Variants in SCFD2 observed in about 807,000 individuals in gnomAD.
SCFD2 encodes sec1 family domain containing 2, also known as sec1 family domain-containing protein 2.
Under a neutral mutation model 58.9 loss-of-function variants are expected in SCFD2, and 54 were observed. The ratio of observed to expected loss-of-function variants is 0.92; its 90% CI spans 0.74 to 1.15. The LOEUF (loss-of-function observed/expected upper bound fraction) is 1.15, where lower values mean the gene tolerates loss of function less well. Among genes scored for constraint, SCFD2 ranks in the 50% most tolerant of loss-of-function variants. The pLI is 0.00. For synonymous variants in SCFD2, 321 were observed against 335.9 expected (o/e 0.96, Z 0.49); for missense variants, 805 against 836.6 (o/e 0.96, Z 0.47).
chr4:52,915,323 T>C (rs1047105918), intron 6 of SCFD2, among the ~76,000 whole-genome samples: 43 of 152,346 alleles, frequency 2.8e-4, no homozygotes, highest in African/African-American at 9.4e-4. Flanking sequence ...ATAGTGAAGA[T>C]GTCTGCTTCT....
At chr4:53,202,857 G>C (rs992670988) in intron 4 of SCFD2, among the ~76,000 whole-genome samples, 11 of 152,258 alleles carry the variant, frequency 7.2e-5, no homozygotes, top group East Asian at 5.8e-4. Context: ...GAATGCTTGT[G>C]ATTTTTGCAC....
At chr4:53,165,707 A>C (rs925513027) in intron 4 of SCFD2, among the ~76,000 whole-genome samples, 6 of 152,164 alleles carry the variant, frequency 3.9e-5, no homozygotes, top group African/African-American at 1.4e-4. Context: ...GTCTGATTTC[A>C]CTAAAACACT....
chr4:53,322,421 G>A (rs1420897731), intron 2 of SCFD2, among the ~76,000 whole-genome samples: 1 of 152,060 alleles, frequency 6.6e-6, no homozygotes, highest in East Asian at 1.9e-4. Context: ...CAAAGGAGAG[G>A]CACAAATAAT....
chr4:53,230,555 A>G (rs1227452934), intron 4 of SCFD2, among the ~76,000 whole-genome samples: 1 of 146,984 alleles, frequency 6.8e-6, no homozygotes, highest in Admixed American at 6.8e-5. Context: ...TCTCACTCAT[A>G]GGTGGGAATT....
chr4:53,050,951 T>A (rs993704937), intron 5 of SCFD2, among the ~76,000 whole-genome samples: 2 of 152,172 alleles, frequency 1.3e-5, no homozygotes, highest in African/African-American at 4.8e-5. Flanking sequence ...ACATCTTGAT[T>A]AGGTCAGATC....
At chr4:53,137,406 G>A (rs1243259765) in intron 5 of SCFD2, among the ~76,000 whole-genome samples, 1 of 152,242 alleles carries the variant, frequency 6.6e-6, no homozygotes, top group Non-Finnish European at 1.5e-5. Flanking sequence ...GTCAGAAAGA[G>A]CATGAATTCT....
chr4:52,911,499 A>T (rs561933878), intron 6 of SCFD2, among the ~76,000 whole-genome samples: 1 of 152,296 alleles, frequency 6.6e-6, no homozygotes, highest in South Asian at 2.1e-4. Flanking sequence ...GAATGTTGGA[A>T]ATCTTTTTTG....
At chr4:52,899,712 G>A (rs555161251) in intron 7 of SCFD2, among the ~76,000 whole-genome samples, 15 of 152,290 alleles carry the variant, frequency 9.8e-5, no homozygotes, top group African/African-American at 3.4e-4. Context: ...GCTAGATTGG[G>A]GAAGTTCTCC....
At chr4:53,096,484 G>C (rs1429991122) in intron 5 of SCFD2, among the ~76,000 whole-genome samples, 5 of 152,096 alleles carry the variant, frequency 3.3e-5, no homozygotes, top group African/African-American at 9.7e-5. Context: ...ATGAGCATTT[G>C]TTCATGTGTC....
At chr4:52,987,960 A>G (rs1721535619) in intron 5 of SCFD2, among the ~76,000 whole-genome samples, 1 of 152,220 alleles carries the variant, frequency 6.6e-6, no homozygotes, top group Non-Finnish European at 1.5e-5. Flanking sequence ...AGTGCATATG[A>G]AGAGAAAGTG....
intron 2 of SCFD2, among the ~76,000 whole-genome samples, chr4:53,338,622 C>A: frequency 1.0e-5 from 1 of 98,792 alleles, no homozygotes; most frequent in South Asian, 3.8e-4. Flanking sequence ...GCTCTGTCGC[C>A]CAGGCTGGAG....
At chr4:53,127,914 T>G (rs1725675700) in intron 5 of SCFD2, among the ~76,000 whole-genome samples, 1 of 151,330 alleles carries the variant, frequency 6.6e-6, no homozygotes, top group African/African-American at 2.4e-5. Flanking sequence ...AGCTCCTCTC[T>G]ACTCTGGAGA....
At chr4:53,054,632 A>G (rs894999997) in intron 5 of SCFD2, among the ~76,000 whole-genome samples, 1 of 151,878 alleles carries the variant, frequency 6.6e-6, no homozygotes, top group Non-Finnish European at 1.5e-5. Flanking sequence ...TAGCTTAGAA[A>G]AAAAAAAAAG....
At chr4:52,939,941 G>C (rs773432689) in intron 5 of SCFD2, among the ~76,000 whole-genome samples, 19 of 152,338 alleles carry the variant, frequency 1.2e-4, no homozygotes, top group Non-Finnish European at 2.6e-4. Flanking sequence ...TGAAAACCAA[G>C]AGAAGCTCTG....
chr4:52,944,401 C>T (rs1720369625), intron 5 of SCFD2, among the ~76,000 whole-genome samples: 1 of 152,122 alleles, frequency 6.6e-6, no homozygotes, highest in African/African-American at 2.4e-5. Context: ...GCCCAAATAT[C>T]TGGGACTTAA....
At position 53,353,078 on chromosome 4, in the gene SCFD2, G is replaced by A. The variant is rs532564175; in HGVS notation, c.839-312C>T. ...TGCTGACTTCAAGAATGAAGCCGCA[G>A]ACCCTCAACGGTGAGTGTTACAGTT... On this transcript the variant is annotated intron_variant, in intron 1 of 8. Coordinates refer to ENST00000401642, the MANE Select transcript of SCFD2 (RefSeq NM_152540.4). 2.0e-5 allele frequency among the ~76,000 whole-genome samples: 3 copies of A among 152,282 alleles called. No homozygotes were observed. In the East Asian group the frequency reaches 5.8e-4, roughly 29 times the overall value.
intron 4 of SCFD2, among the ~76,000 whole-genome samples, chr4:53,151,410 C>A (rs1726501666): frequency 1.3e-5 from 2 of 152,170 alleles, no homozygotes; most frequent in Non-Finnish European, 1.5e-5. Context: ...TCTGGGGCTC[C>A]TGTTATTCTT....
intron 2 of SCFD2, among the ~76,000 whole-genome samples, chr4:53,339,547 A>G (rs559394422): frequency 6.6e-6 from 1 of 152,266 alleles, no homozygotes; most frequent in African/African-American, 2.4e-5. Flanking sequence ...AGGCGGGCAG[A>G]TCACCTGAGG....
At chr4:52,903,558 G>A (rs1190893717) in intron 7 of SCFD2, among the ~76,000 whole-genome samples, 1 of 152,214 alleles carries the variant, frequency 6.6e-6, no homozygotes, top group Non-Finnish European at 1.5e-5. Flanking sequence ...AACTTTTGGT[G>A]AGCCTCTGTT....
Sources: gnomAD v4.1 joint callset for allele counts (sites outside exome capture counted in the v4.1 genomes callset) on GRCh38, gnomAD v4.1.1 for gene constraint, MANE v1.5 for transcripts, NCBI Gene and HGNC (gene_info 2026-07-23, HGNC 2026-07-21) for gene names.